LMX1B: variants seen among roughly 807,000 people sequenced by gnomAD.
LMX1B encodes LIM homeobox transcription factor 1 beta.
A neutral mutation model predicts 51.4 loss-of-function variants in LMX1B; 12 were observed. The observed-to-expected ratio is 0.23, with a 90% CI of 0.15 to 0.38. The LOEUF (loss-of-function observed/expected upper bound fraction) is 0.38. LMX1B is among the 10% of genes least tolerant of loss of function. The pLI, the probability that LMX1B is intolerant of heterozygous loss-of-function variation, is 1.00. For missense variants in LMX1B, 445 were observed against 571.1 expected, an observed-to-expected ratio of 0.78 and a Z score of 2.25; for synonymous variants, 237 against 235.4, an observed-to-expected ratio of 1.01 and a Z score of -0.06.
intron 2 of LMX1B, among the ~76,000 whole-genome samples, chr9:126,616,835 T>C (rs1335449195): frequency 3.9e-5 from 6 of 152,364 alleles, no homozygotes; most frequent in Non-Finnish European, 7.4e-5. Context: ...CATCGGATTC[T>C]ACCCCAAAAG....
In LMX1B at chr9:126,618,757, C is replaced by A. The variant is rs984129243; in HGVS notation, c.326+3188C>A. The stretch of plus-strand genomic sequence containing the variant: ...TCGCTCGTCTGGAAAGGGTTTTTAT[C>A]CTGAAGAGGTGGAGAATTCCTGGAG... On this transcript the variant is annotated intron_variant, in intron 2 of 7. Transcript: ENST00000373474. This position sits in a 1 kb window ranked among gnomAD's most constrained non-coding sequence, Gnocchi z 4.5. Among the ~76,000 whole-genome samples the A allele has an allele frequency of 6.6e-6, 1 of 152,114 alleles. No individual in the cohort carries two copies. Among genetic ancestry groups the A allele is most frequent in the African/African-American group, 2.4e-5 (1 of 41,436 alleles).
chr9:126,675,816 G>C lies in LMX1B; in HGVS notation c.327-15020G>C, dbSNP rs541670181. Among the ~76,000 whole-genome samples the C allele has an allele frequency of 3.6e-3, 545 of 151,098 alleles. 6 individuals carry two copies. The highest frequency in any genetic ancestry group is 0.013 in the African/African-American group (528 of 41,160). On this transcript the variant is annotated intron_variant, in intron 2 of 7. Transcript: ENST00000373474. ...TGTAATCCCAGCACTTTGGGAGGCC[G>C]AGGCGGGCGGATCACGAGGTCAGGA... is the stretch of plus-strand genomic sequence containing the variant.
chr9:126,628,343 G>T (rs1396622603), intron 2 of LMX1B, among the ~76,000 whole-genome samples: 1 of 152,208 alleles, frequency 6.6e-6, no homozygotes, highest in Non-Finnish European at 1.5e-5. Context: ...ACATGTTGCA[G>T]GCCGAGCAGA....
At chr9:126,631,238 G>T (rs949292263) in intron 2 of LMX1B, among the ~76,000 whole-genome samples, 2 of 152,274 alleles carry the variant, frequency 1.3e-5, no homozygotes, top group African/African-American at 2.4e-5. Flanking sequence ...CCTTACGGCT[G>T]CAGAGAAACA....
At chr9:126,664,564 C>T (rs777266492) in intron 2 of LMX1B, among the ~76,000 whole-genome samples, 2 of 152,182 alleles carry the variant, frequency 1.3e-5, no homozygotes, top group African/African-American at 2.4e-5. Flanking sequence ...GCGCATGGCC[C>T]GTACTAGGTA....
chr9:126,661,535 C>G (rs971765660), intron 2 of LMX1B, among the ~76,000 whole-genome samples: 1 of 152,156 alleles, frequency 6.6e-6, no homozygotes, highest in Non-Finnish European at 1.5e-5. Context: ...GGGCCAGCCC[C>G]GGAGGCCATG....
In LMX1B at chr9:126,642,105, G is replaced by T. The variant is rs575604011; in HGVS notation, c.326+26536G>T. Among the ~76,000 whole-genome samples the T allele has an allele frequency of 4.6e-5, 7 of 152,244 alleles. No individual in the cohort carries two copies. The South Asian group carries it at 8.3e-4, about 18-fold the overall frequency. On this transcript the variant is annotated intron_variant, in intron 2 of 7. Coordinates refer to ENST00000373474, the MANE Select transcript of LMX1B (RefSeq NM_001174147.2). The stretch of plus-strand genomic sequence containing the variant: ...GGCACCTAATGCCAAGGCAGTTTGT[G>T]CTCATATGTGTGTCCCTGGCCAGCC...
rs2118997561 is a variant in LMX1B, at chr9:126,695,992, T to G, written c.1040T>G (p.Met347Arg). The G allele has an allele frequency of 1.2e-6, 2 of 1,608,718 alleles. No homozygotes were observed. Among genetic ancestry groups the G allele is most frequent in the East Asian group, 4.5e-5 (2 of 44,820 alleles). Residue 347 changes from methionine to arginine, a missense_variant, in exon 7 of 8, where the codon ATG (methionine) becomes AGG (arginine). Transcript: ENST00000373474. This position sits in a 1 kb window ranked among gnomAD's most constrained non-coding sequence, Gnocchi z 5.2. ...LTPPQMPGDH[M>R]NPYGNDSIFH... ...CCGCCCCAAATGCCAGGTGACCACA[T>G]GAACCCCTATGGTAAGCCGCCCTAC...
intron 2 of LMX1B, among the ~76,000 whole-genome samples, chr9:126,620,356 A>G (rs1163236969): frequency 6.6e-6 from 1 of 152,202 alleles, no homozygotes; most frequent in Non-Finnish European, 1.5e-5. Context: ...GTGGTTGCCC[A>G]TCTCTGAGCT....
At chr9:126,675,264 G>A (rs367648259) in intron 2 of LMX1B, among the ~76,000 whole-genome samples, 27 of 152,170 alleles carry the variant, frequency 1.8e-4, no homozygotes, top group African/African-American at 5.8e-4. Flanking sequence ...TGTGTGATAC[G>A]TCTCTGGAGG....
chr9:126,639,617 TGCC>T (rs1461401851), intron 2 of LMX1B, among the ~76,000 whole-genome samples: 1 of 152,156 alleles, frequency 6.6e-6, no homozygotes, highest in African/African-American at 2.4e-5. Context: ...CCCCTGTTAT[TGCC>T]GCAGCCTGGC....
intron 2 of LMX1B, among the ~76,000 whole-genome samples, chr9:126,666,958 C>T (rs149638715): frequency 5.3e-5 from 8 of 152,040 alleles, no homozygotes; most frequent in South Asian, 2.1e-4. Context: ...GAGCTTAGGG[C>T]GAAATGACAA....
intron 2 of LMX1B, among the ~76,000 whole-genome samples, chr9:126,680,225 G>T (rs1184036462): frequency 6.6e-6 from 1 of 152,200 alleles, no homozygotes; most frequent in African/African-American, 2.4e-5. Flanking sequence ...TTGGGAGGTG[G>T]CCAGGGCAGA....
chr9:126,642,203 G>C (rs901444815), intron 2 of LMX1B, among the ~76,000 whole-genome samples: 4 of 152,142 alleles, frequency 2.6e-5, no homozygotes, highest in Non-Finnish European at 2.9e-5. Flanking sequence ...GGCACACCCG[G>C]GCCTGGGAAA....
rs1835253733 is a variant in LMX1B, at chr9:126,614,268, C to G, written c.-182C>G. 6.9e-6 allele frequency among the ~76,000 whole-genome samples: 1 copy of G among 145,788 alleles called. No homozygotes were observed. Among genetic ancestry groups the G allele is most frequent in the Admixed American group, 6.8e-5 (1 of 14,714 alleles). ...GCGGGCTGCAGCCGCCCCGGCCCGC[C>G]CGCACGACGCCGGGGCCCGGGGCCA... On this transcript the variant is annotated 5_prime_UTR_variant, in exon 1 of 8. Transcript: ENST00000373474.
At chr9:126,662,318 TTAA>T (rs1836261637) in intron 2 of LMX1B, among the ~76,000 whole-genome samples, 1 of 152,296 alleles carries the variant, frequency 6.6e-6, no homozygotes, top group East Asian at 1.9e-4. Flanking sequence ...ACCTGGTGGT[TTAA>T]TAATAATAAT....
chr9:126,639,046 G>A (rs1285564754), intron 2 of LMX1B, among the ~76,000 whole-genome samples: 1 of 151,626 alleles, frequency 6.6e-6, no homozygotes, highest in Non-Finnish European at 1.5e-5. Context: ...GGAGGAAAGG[G>A]GAGGGGAAAG....
In LMX1B at chr9:126,615,405, C is replaced by G. The variant is rs751836316; in HGVS notation, c.162C>G (p.Ala54=). ...VLLGSDCPHP[A]VCEGCQRPIS... ...CAGGCTCCGACTGCCCGCATCCCGC[C>G]GTCTGCGAGGGCTGCCAGCGGCCCA... Residue 54 remains alanine, a synonymous_variant, in exon 2 of 8, where the codon GCC becomes GCG. Coordinates refer to ENST00000373474, the MANE Select transcript of LMX1B (RefSeq NM_001174147.2). The surrounding 1 kb of genome is among the most constrained non-coding windows in gnomAD (Gnocchi z 6.0). 6.2e-7 allele frequency: 1 copy of G among 1,604,576 alleles called. No individual in the cohort carries two copies.
Position 126,695,266 on chromosome 9 carries a change from C to T in LMX1B, c.887-573C>T, listed in dbSNP as rs2030284501. ...CCTCGGGGACCCCCACCCAGCTCGGCACCCCAGGGCTCCCCATGACCTGTG... is the reference window on the plus strand; with the variant it reads ...CCTCGGGGACCCCCACCCAGCTCGGTACCCCAGGGCTCCCCATGACCTGTG... On this transcript the variant is annotated intron_variant, in intron 6 of 7. Coordinates refer to ENST00000373474, the MANE Select transcript of LMX1B (RefSeq NM_001174147.2). The surrounding 1 kb of genome is among the most constrained non-coding windows in gnomAD (Gnocchi z 5.2). Among the ~76,000 whole-genome samples the T allele has an allele frequency of 6.6e-6, 1 of 152,158 alleles. No homozygotes were observed. Among genetic ancestry groups the T allele is most frequent in the African/African-American group, 2.4e-5 (1 of 41,432 alleles).
Sources: gnomAD v4.1 joint callset for allele counts (sites outside exome capture counted in the v4.1 genomes callset) on GRCh38, gnomAD v4.1.1 for gene constraint, Gnocchi (gnomAD v3.1) non-coding constraint, MANE v1.5 for transcripts, NCBI Gene and HGNC (gene_info 2026-07-23, HGNC 2026-07-21) for gene names.